The following SPAG16 variants were observed in gnomAD, a reference collection of about 807,000 sequenced individuals.
The protein encoded by SPAG16 is sperm-associated antigen 16 protein.
In SPAG16, 86 loss-of-function variants were observed where a neutral mutation model predicts 80.4. That is an observed-to-expected ratio of 1.07 (90% CI 0.90 to 1.28). The LOEUF is 1.28. SPAG16 is among the 50% of genes most tolerant of loss of function. The pLI is 0.00. For synonymous variants in SPAG16, 294 were observed against 265.9 expected, an observed-to-expected ratio of 1.11 and a Z score of -1.03; for missense variants, 870 against 765.3, an observed-to-expected ratio of 1.14 and a Z score of -1.61.
At chr2:213,387,595 C>T (rs1336166065) in intron 9 of SPAG16, among the ~76,000 whole-genome samples, 1 of 133,174 alleles carries the variant, frequency 7.5e-6, no homozygotes, top group East Asian at 2.2e-4. Flanking sequence ...GCTGGGACTA[C>T]AGGCGCCCGC....
chr2:213,357,248 G>C (rs2065710250), intron 7 of SPAG16, among the ~76,000 whole-genome samples: 1 of 152,136 alleles, frequency 6.6e-6, no homozygotes, highest in African/African-American at 2.4e-5. Flanking sequence ...TTGGGGTAGA[G>C]AGTTCTGTAG....
intron 15 of SPAG16, among the ~76,000 whole-genome samples, chr2:214,318,155 C>T (rs962860656): frequency 6.6e-6 from 1 of 152,166 alleles, no homozygotes; most frequent in Admixed American, 6.5e-5. Context: ...CTGGAAGCGT[C>T]TGTTGCATGC....
rs953545817 is a variant in SPAG16 at position 213,817,207 on chromosome 2, A to G, written c.1071-45278A>G. Among the ~76,000 whole-genome samples, 29 of 140,086 alleles carry G rather than the reference A, an allele frequency of 2.1e-4. No individual in the cohort carries two copies. In the East Asian group the frequency reaches 3.1e-3, roughly 15 times the overall value. 91.9% of individuals were successfully genotyped at this position (140,086 alleles called of 152,430 possible). A position where few individuals can be genotyped will look rare whatever the true frequency, so the allele number is the denominator to read the frequency against. ...ATATTTAACTTACTACTTTGTACAA[A>G]GCATGCATATATATATATATATGCT... On this transcript the variant is annotated intron_variant, in intron 10 of 15. Coordinates refer to ENST00000331683, the MANE Select transcript of SPAG16 (RefSeq NM_024532.5).
At chr2:214,125,316 T>C (rs1206013895) in intron 14 of SPAG16, among the ~76,000 whole-genome samples, 1 of 151,732 alleles carries the variant, frequency 6.6e-6, no homozygotes, top group Non-Finnish European at 1.5e-5. Context: ...TGGTTTTCAA[T>C]TTTTACAGAC....
rs774443028 is a variant in SPAG16, at chr2:213,301,074, G to A, written c.279+3717G>A. 4.6e-5 allele frequency among the ~76,000 whole-genome samples: 7 copies of A among 152,106 alleles called. 1 individual carries two copies. The highest frequency in any genetic ancestry group is 4.2e-4 in the South Asian group (2 of 4,818). On this transcript the variant is annotated intron_variant, in intron 3 of 15. Coordinates refer to ENST00000331683, the MANE Select transcript of SPAG16 (RefSeq NM_024532.5). ...ACCATTACTTTTAACGGAAAAAAAC[G>A]CAATTACTTTTGCATCAACCTATAC...
At chr2:213,521,360 C>T (rs2125849109) in intron 10 of SPAG16, among the ~76,000 whole-genome samples, 1 of 152,310 alleles carries the variant, frequency 6.6e-6, no homozygotes, top group East Asian at 1.9e-4. Context: ...TGTTTTCATT[C>T]TGACTTGCAG....
intron 12 of SPAG16, among the ~76,000 whole-genome samples, chr2:213,998,008 A>T (rs2046609906): frequency 6.6e-6 from 1 of 152,238 alleles, no homozygotes; most frequent in African/African-American, 2.4e-5. Flanking sequence ...TAACTAAATT[A>T]TACTGTTAGA....
Position 213,520,461 on chromosome 2 carries a change from G to A in SPAG16, c.1070+30371G>A, listed in dbSNP as rs1467026166. Among the ~76,000 whole-genome samples the A allele has an allele frequency of 2.6e-5, 4 of 152,048 alleles. No individual in the cohort carries two copies. The East Asian group carries it at 7.7e-4, about 29-fold the overall frequency. On this transcript the variant is annotated intron_variant, in intron 10 of 15. Coordinates refer to ENST00000331683, the MANE Select transcript of SPAG16 (RefSeq NM_024532.5). ...AAAAAAAAATTCGCTGGGCGTGGTG[G>A]TGGGCACCTGTAGTCCCAGCTACTC...
intron 9 of SPAG16, among the ~76,000 whole-genome samples, chr2:213,477,082 G>A (rs2125682115): frequency 6.6e-6 from 1 of 152,260 alleles, no homozygotes; most frequent in South Asian, 2.1e-4. Flanking sequence ...CTCGAAAAAG[G>A]CATCATTTGA....
chr2:213,530,728 G>A (rs1015642750), intron 10 of SPAG16, among the ~76,000 whole-genome samples: 9 of 151,910 alleles, frequency 5.9e-5, no homozygotes, highest in African/African-American at 1.9e-4. Context: ...CTATTATCTA[G>A]TAACTTTCTC....
chr2:213,649,451 C>T (rs1325272359), intron 10 of SPAG16, among the ~76,000 whole-genome samples: 1 of 152,144 alleles, frequency 6.6e-6, no homozygotes, highest in Non-Finnish European at 1.5e-5. Context: ...CTTATCATGG[C>T]AGAATGCCAC....
chr2:213,724,447 C>T (rs1396179235), intron 10 of SPAG16, among the ~76,000 whole-genome samples: 1 of 152,048 alleles, frequency 6.6e-6, no homozygotes. Context: ...TTAAAATAAA[C>T]CATGTATTTC....
intron 10 of SPAG16, among the ~76,000 whole-genome samples, chr2:213,812,261 TAAG>T (rs2072208683): frequency 6.6e-6 from 1 of 152,080 alleles, no homozygotes; most frequent in Non-Finnish European, 1.5e-5. Context: ...TGGAATAACT[TAAG>T]AAGAACTGGG....
At chr2:214,217,008 C>T (rs1241177201) in intron 15 of SPAG16, among the ~76,000 whole-genome samples, 3 of 151,998 alleles carry the variant, frequency 2.0e-5, no homozygotes, top group Admixed American at 1.3e-4. Context: ...TATAGATTAA[C>T]AAATACAAAC....
intron 11 of SPAG16, among the ~76,000 whole-genome samples, chr2:213,890,938 T>C (rs1352495132): frequency 1.3e-5 from 2 of 152,048 alleles, no homozygotes; most frequent in Non-Finnish European, 2.9e-5. Flanking sequence ...TAGAAAGTCA[T>C]CATTCCAACT....
At chr2:213,894,412 C>T (rs2076909031) in intron 11 of SPAG16, among the ~76,000 whole-genome samples, 1 of 152,050 alleles carries the variant, frequency 6.6e-6, no homozygotes, top group Non-Finnish European at 1.5e-5. Context: ...TGAAAACCCT[C>T]ATCAAAATGG....
intron 10 of SPAG16, among the ~76,000 whole-genome samples, chr2:213,653,513 A>G (rs527877763): frequency 2.0e-4 from 30 of 152,290 alleles, no homozygotes; most frequent in African/African-American, 5.5e-4. Context: ...CAATTTTTCA[A>G]TGTTTCATTC....
intron 9 of SPAG16, among the ~76,000 whole-genome samples, chr2:213,455,080 A>C (rs1161461068): frequency 3.3e-5 from 5 of 152,208 alleles, no homozygotes. Context: ...ACAGATTTCA[A>C]AACTACCTAG....
chr2:213,430,790 A>G (rs1005720402), intron 9 of SPAG16, among the ~76,000 whole-genome samples: 2 of 152,214 alleles, frequency 1.3e-5, no homozygotes, highest in African/African-American at 4.8e-5. Context: ...TGGAATGTCT[A>G]AAGTCAACAC....
Sources: allele counts gnomAD v4.1 joint callset (sites outside exome capture counted in the v4.1 genomes callset), GRCh38; gene constraint gnomAD v4.1.1; transcripts MANE v1.5; gene names NCBI Gene and HGNC (gene_info 2026-07-23, HGNC 2026-07-21).